The following DCK variants were observed in gnomAD, a reference collection of about 807,000 sequenced individuals.
DCK encodes the protein deoxyadenosine kinase.
In DCK, 23 loss-of-function variants were observed where a neutral mutation model predicts 38.3. That is an observed-to-expected ratio of 0.60 (90% CI 0.43 to 0.85). The LOEUF (loss-of-function observed/expected upper bound fraction) is 0.85. Among genes scored for constraint, DCK ranks in the 40% least tolerant of loss-of-function variants. The pLI, the probability that DCK is intolerant of heterozygous loss-of-function variation, is 0.00. For missense variants in DCK, 259 were observed against 304.4 expected, an observed-to-expected ratio of 0.85 and a Z score of 1.11; for synonymous variants, 108 against 100.6, an observed-to-expected ratio of 1.07 and a Z score of -0.44.
intron 2 of DCK, among the ~76,000 whole-genome samples, chr4:71,001,030 G>T (rs1290525824): frequency 2.0e-5 from 3 of 152,104 alleles, no homozygotes; most frequent in Non-Finnish European, 2.9e-5. Flanking sequence ...TGATTGCCCT[G>T]GCCAGACCTT....
chr4:71,000,646 T>C (rs1014677815), intron 2 of DCK, among the ~76,000 whole-genome samples: 7 of 152,222 alleles, frequency 4.6e-5, no homozygotes, highest in African/African-American at 1.4e-4. Flanking sequence ...ATTTTTCCTA[T>C]CTATGAGCAT....
chr4:71,015,986 T>G (rs753943994), intron 2 of DCK, among the ~76,000 whole-genome samples: 13 of 152,112 alleles, frequency 8.5e-5, no homozygotes, highest in Non-Finnish European at 1.5e-4. Context: ...AAAGAGGAAG[T>G]CAAATTGTCC....
chr4:71,028,631 C>A, intron 6 of DCK: 1 of 430,536 alleles, frequency 2.3e-6, no homozygotes, highest in Non-Finnish European at 4.6e-6. Context: ...AGTCTTGCTC[C>A]GTCGCCCAGG....
chr4:71,004,500 C>T (rs978485132), intron 2 of DCK, among the ~76,000 whole-genome samples: 2 of 152,240 alleles, frequency 1.3e-5, no homozygotes, highest in Non-Finnish European at 2.9e-5. Context: ...CTGGGAGTTC[C>T]ACTGCTCTCT....
chr4:71,016,769 T>C (rs1173761519), intron 2 of DCK, among the ~76,000 whole-genome samples: 2 of 152,188 alleles, frequency 1.3e-5, no homozygotes, highest in Non-Finnish European at 2.9e-5. Flanking sequence ...TTACACCTTA[T>C]ACAAAAATTA....
intron 1 of DCK, among the ~76,000 whole-genome samples, chr4:70,996,704 T>C (rs995548591): frequency 2.0e-5 from 3 of 152,264 alleles, no homozygotes; most frequent in South Asian, 4.1e-4. Flanking sequence ...ATTTGAACTT[T>C]ACTTGGTCGT....
In DCK at chr4:71,030,075, T is replaced by G. The variant is rs1180712784; in HGVS notation, c.*697T>G. 1 of 152,640 alleles carries G rather than the reference T, an allele frequency of 6.6e-6. No individual in the cohort carries two copies. Among genetic ancestry groups the G allele is most frequent in the African/African-American group, 2.4e-5 (1 of 41,452 alleles). The allele number at this position is 152,640 out of a possible 1,614,324, so 9.5% of individuals were successfully genotyped here. A position where few individuals can be genotyped will look rare whatever the true frequency, so the allele number is the denominator to read the frequency against. On this transcript the variant is annotated 3_prime_UTR_variant, in exon 7 of 7. Transcript: ENST00000286648. ...TTTGTAGGGTTCTGCTTTTAAGTTT[T>G]TCTCTTTTTCAGACAAATTACTGAT...
chr4:71,017,306 A>T (rs1471664605), intron 2 of DCK, among the ~76,000 whole-genome samples: 1 of 152,206 alleles, frequency 6.6e-6, no homozygotes, highest in Non-Finnish European at 1.5e-5. Flanking sequence ...ATGTGGAGAA[A>T]TGGGAACACT....
At chr4:70,997,684 C>CTG (rs1404277618) in intron 1 of DCK, among the ~76,000 whole-genome samples, 14 of 151,958 alleles carry the variant, frequency 9.2e-5, no homozygotes, top group African/African-American at 3.1e-4. Flanking sequence ...ATATGTTCAT[C>CTG]TGTGTGTGTG....
intron 2 of DCK, among the ~76,000 whole-genome samples, chr4:71,005,094 C>T (rs780416123): frequency 6.6e-6 from 1 of 152,202 alleles, no homozygotes; most frequent in Non-Finnish European, 1.5e-5. Context: ...GTGCTTGAAA[C>T]CCAGGGCCCT....
intron 2 of DCK, among the ~76,000 whole-genome samples, chr4:71,020,718 T>C (rs1740393577): frequency 1.3e-5 from 2 of 152,196 alleles, no homozygotes; most frequent in African/African-American, 4.8e-5. Context: ...TTTAGAATTA[T>C]AAACTCATGG....
intron 1 of DCK, among the ~76,000 whole-genome samples, chr4:70,994,807 A>G (rs562198279): frequency 6.6e-6 from 1 of 152,342 alleles, no homozygotes; most frequent in East Asian, 1.9e-4. Flanking sequence ...TATGATTCAA[A>G]GACCACTAAC....
intron 2 of DCK, among the ~76,000 whole-genome samples, chr4:71,008,426 G>C (rs1740001085): frequency 1.3e-5 from 2 of 152,166 alleles, no homozygotes; most frequent in Non-Finnish European, 1.5e-5. Context: ...TTTGCAAAGT[G>C]CCCACTTGGG....
intron 2 of DCK, among the ~76,000 whole-genome samples, chr4:70,999,317 A>G (rs189364375): frequency 6.6e-6 from 1 of 152,304 alleles, no homozygotes; most frequent in African/African-American, 2.4e-5. Flanking sequence ...GATGGTTTCC[A>G]GCTTCATCCA....
intron 2 of DCK, among the ~76,000 whole-genome samples, chr4:71,019,046 A>G (rs1397797667): frequency 1.3e-5 from 2 of 152,200 alleles, no homozygotes; most frequent in Non-Finnish European, 2.9e-5. Flanking sequence ...AATTTCATGC[A>G]TAGGATCAAA....
chr4:70,996,204 CA>C (rs36018698), intron 1 of DCK, among the ~76,000 whole-genome samples: 110,066 of 133,054 alleles, frequency 0.83, 47,701 homozygotes, highest in Non-Finnish European at 0.96. Flanking sequence ...GACAGAGTCT[CA>C]AAAAAAAAAA....
At chr4:71,025,994 T>C in intron 5 of DCK, 63 bp downstream of exon 5, 1 of 1,450,766 alleles carries the variant, frequency 6.9e-7, no homozygotes, top group Non-Finnish European at 9.1e-7. Context: ...TAAATTTTAA[T>C]CTAAAATTTG....
chr4:71,010,166 CTT>C (rs367836620), intron 2 of DCK, among the ~76,000 whole-genome samples: 71 of 135,268 alleles, frequency 5.2e-4, no homozygotes, highest in Non-Finnish European at 5.9e-4. Context: ...GCTGTTTTAG[CTT>C]TTTTTTTTTT....
At chr4:70,996,826 G>A (rs946740796) in intron 1 of DCK, among the ~76,000 whole-genome samples, 3 of 152,118 alleles carry the variant, frequency 2.0e-5, no homozygotes, top group Admixed American at 6.5e-5. Flanking sequence ...AGTCTGTTCA[G>A]AATGACTTTC....
Sources: gnomAD v4.1 joint callset for allele counts (sites outside exome capture counted in the v4.1 genomes callset) on GRCh38, gnomAD v4.1.1 for gene constraint, MANE v1.5 for transcripts, NCBI Gene and HGNC (gene_info 2026-07-23, HGNC 2026-07-21) for gene names.